The following ARHGAP24 variants were observed in gnomAD, a reference collection of about 807,000 sequenced individuals.
ARHGAP24 encodes the protein rho GTPase-activating protein 24.
Under a neutral mutation model 76.4 loss-of-function variants are expected in ARHGAP24, and 50 were observed. The observed-to-expected ratio is 0.65, with a 90% CI of 0.52 to 0.83. The LOEUF is 0.83. Among genes scored for constraint, ARHGAP24 ranks in the 40% least tolerant of loss-of-function variants. The pLI is 0.00. For missense variants in ARHGAP24, 930 were observed against 914.2 expected (o/e 1.02, Z -0.22); for synonymous variants, 345 against 323.3 (o/e 1.07, Z -0.72).
intron 1 of ARHGAP24, among the ~76,000 whole-genome samples, chr4:85,521,348 T>A (rs1202776309): frequency 3.0e-5 from 3 of 98,690 alleles, no homozygotes; most frequent in South Asian, 4.9e-4. Flanking sequence ...TGTCTAAGAG[T>A]GGAAATCAGG....
intron 3 of ARHGAP24, among the ~76,000 whole-genome samples, chr4:85,780,039 G>A (rs1277257213): frequency 1.3e-5 from 2 of 152,020 alleles, no homozygotes; most frequent in Non-Finnish European, 2.9e-5. Context: ...GCAATTTAAT[G>A]TTCCCTTAAT....
At chr4:85,907,301 A>G (rs1313924420) in intron 3 of ARHGAP24, among the ~76,000 whole-genome samples, 1 of 152,246 alleles carries the variant, frequency 6.6e-6, no homozygotes, top group East Asian at 1.9e-4. Context: ...AAACAAATGT[A>G]GTCCATTTAA....
chr4:85,700,121 A>G (rs921298594), intron 2 of ARHGAP24, among the ~76,000 whole-genome samples: 5 of 152,144 alleles, frequency 3.3e-5, no homozygotes, highest in African/African-American at 1.2e-4. Context: ...TGAGCCGGGC[A>G]TGGTGCCTCA....
intron 2 of ARHGAP24, among the ~76,000 whole-genome samples, chr4:85,661,222 A>G (rs569408692): frequency 2.1e-4 from 32 of 151,502 alleles, no homozygotes; most frequent in Non-Finnish European, 3.5e-4. Flanking sequence ...TGACTGGTTA[A>G]CAATCAGCCG....
chr4:85,956,786 G>A (rs1019727150), intron 5 of ARHGAP24, among the ~76,000 whole-genome samples: 2 of 152,258 alleles, frequency 1.3e-5, no homozygotes, highest in South Asian at 2.1e-4. Context: ...GGAAGTCAGC[G>A]GCAGGCAGCA....
intron 2 of ARHGAP24, among the ~76,000 whole-genome samples, chr4:85,644,251 C>T (rs1721638943): frequency 6.6e-6 from 1 of 152,138 alleles, no homozygotes; most frequent in Admixed American, 6.5e-5. Flanking sequence ...ATAAGAACTG[C>T]TTGATAATGA....
chr4:85,712,331 T>A (rs13128115), intron 2 of ARHGAP24, among the ~76,000 whole-genome samples: 100,543 of 151,902 alleles, frequency 0.66, 35,013 homozygotes, highest in Non-Finnish European at 0.79. Context: ...ACTAATTAAC[T>A]GTTAGGACCA....
chr4:85,848,783 T>C (rs1731040015), intron 3 of ARHGAP24, among the ~76,000 whole-genome samples: 1 of 152,210 alleles, frequency 6.6e-6, no homozygotes, highest in Non-Finnish European at 1.5e-5. Flanking sequence ...TTCTGAGGCC[T>C]CTGTTCTGTT....
intron 2 of ARHGAP24, among the ~76,000 whole-genome samples, chr4:85,622,020 T>C (rs187251320): frequency 4.3e-4 from 65 of 152,256 alleles, no homozygotes; most frequent in African/African-American, 1.5e-3. Flanking sequence ...CTGTATCCCA[T>C]AAATTTTGGT....
chr4:85,967,617 C>G (rs1434142143), intron 5 of ARHGAP24, among the ~76,000 whole-genome samples: 3 of 152,148 alleles, frequency 2.0e-5, no homozygotes, highest in African/African-American at 7.2e-5. Flanking sequence ...GGTCTGATAG[C>G]TCTTTCACTC....
intron 2 of ARHGAP24, among the ~76,000 whole-genome samples, chr4:85,703,506 G>A (rs1008448222): frequency 6.6e-5 from 10 of 152,098 alleles, no homozygotes; most frequent in Non-Finnish European, 1.2e-4. Context: ...GTGGGAACTT[G>A]GGGGAGTTGA....
chr4:85,538,084 G>A (rs939682229), intron 1 of ARHGAP24, among the ~76,000 whole-genome samples: 4 of 151,728 alleles, frequency 2.6e-5, no homozygotes, highest in African/African-American at 9.7e-5. Flanking sequence ...CTTTACCCTG[G>A]TAATCATTAA....
intron 2 of ARHGAP24, among the ~76,000 whole-genome samples, chr4:85,606,685 G>A (rs1220017200): frequency 6.6e-6 from 1 of 152,112 alleles, no homozygotes; most frequent in African/African-American, 2.4e-5. Flanking sequence ...TATTGGGTAA[G>A]TATGAACTAA....
intron 3 of ARHGAP24, among the ~76,000 whole-genome samples, chr4:85,745,761 A>G (rs184776643): frequency 1.4e-3 from 211 of 152,342 alleles, no homozygotes; most frequent in African/African-American, 4.7e-3. Flanking sequence ...AGTGTAATAC[A>G]TAGAAGAATG....
intron 2 of ARHGAP24, among the ~76,000 whole-genome samples, chr4:85,650,733 G>A (rs1371745964): frequency 6.7e-6 from 1 of 149,352 alleles, no homozygotes; most frequent in East Asian, 1.9e-4. Context: ...AAGGAGGTAA[G>A]CTATGTGTCA....
intron 1 of ARHGAP24, among the ~76,000 whole-genome samples, chr4:85,499,146 A>G (rs985122238): frequency 2.6e-5 from 4 of 152,190 alleles, no homozygotes; most frequent in African/African-American, 9.7e-5. Context: ...TTTAAATCAG[A>G]TATATTATTT....
intron 2 of ARHGAP24, among the ~76,000 whole-genome samples, chr4:85,700,576 A>G (rs1398632729): frequency 6.6e-6 from 1 of 152,060 alleles, no homozygotes. Context: ...AAGCCAGCTG[A>G]TGGGTGGTGG....
At chr4:85,846,829 T>C (rs1056246964) in intron 3 of ARHGAP24, among the ~76,000 whole-genome samples, 1 of 152,248 alleles carries the variant, frequency 6.6e-6, no homozygotes, top group Non-Finnish European at 1.5e-5. Flanking sequence ...CCTTCAGTTA[T>C]GGGACCACTT....
At chr4:85,964,804 A>G (rs1738479631) in intron 5 of ARHGAP24, among the ~76,000 whole-genome samples, 1 of 151,948 alleles carries the variant, frequency 6.6e-6, no homozygotes, top group African/African-American at 2.4e-5. Flanking sequence ...AAGGTATTTT[A>G]TTTTTATTTG....
Sources: gnomAD v4.1 joint callset for allele counts (sites outside exome capture counted in the v4.1 genomes callset) on GRCh38, gnomAD v4.1.1 for gene constraint, MANE v1.5 for transcripts, NCBI Gene and HGNC (gene_info 2026-07-23, HGNC 2026-07-21) for gene names.